ADCY9: variants seen among roughly 807,000 people sequenced by gnomAD.
ADCY9 encodes the protein adenylate cyclase type 9.
ADCY9 carries 50 observed loss-of-function variants against 101.5 expected under a neutral mutation model. The ratio of observed to expected loss-of-function variants is 0.49; its 90% confidence interval spans 0.39 to 0.62. ADCY9 has a LOEUF of 0.62. Ranked by LOEUF, ADCY9 falls within the 20% of genes least tolerant of loss-of-function variation. The pLI is 0.00. For missense variants in ADCY9, 1,662 were observed against 1,800.4 expected (o/e 0.92, Z 1.39); for synonymous variants, 905 against 769.3 (o/e 1.18, Z -2.92).
intron 2 of ADCY9, among the ~76,000 whole-genome samples, chr16:4,103,810 G>A (rs765617814): frequency 1.3e-5 from 2 of 152,056 alleles, no homozygotes; most frequent in Non-Finnish European, 2.9e-5. Flanking sequence ...CAGCCCGGGC[G>A]ACAGAGCGAG....
intron 2 of ADCY9, among the ~76,000 whole-genome samples, chr16:4,019,971 G>A (rs374847481): frequency 5.3e-5 from 8 of 152,134 alleles, no homozygotes; most frequent in African/African-American, 1.9e-4. Flanking sequence ...CCAGCTACTC[G>A]GGAGGCTGAG....
At chr16:4,108,370 T>TTTTTTTTTTTTTTTTTTTTTG (rs2057091668) in intron 2 of ADCY9, among the ~76,000 whole-genome samples, 1 of 134,408 alleles carries the variant, frequency 7.4e-6, no homozygotes, top group African/African-American at 2.9e-5. Context: ...ATTTTTTTTT[T>TTTTTTTTTTTTTTTTTTTTTG]TTTTTTTTTT....
intron 10 of ADCY9, 23 bp downstream of exon 10, chr16:3,974,646 G>C (rs774115827): frequency 1.2e-6 from 2 of 1,600,928 alleles, no homozygotes; most frequent in South Asian, 1.1e-5. Flanking sequence ...TATTCAGACA[G>C]AAGTGCAATA....
At chr16:4,030,484 C>G (rs1238877879) in intron 2 of ADCY9, among the ~76,000 whole-genome samples, 2 of 151,972 alleles carry the variant, frequency 1.3e-5, no homozygotes, top group Non-Finnish European at 2.9e-5. Flanking sequence ...GGTGGATTAC[C>G]TGAGGTCAGG....
At chr16:4,098,716 T>C (rs2057024122) in intron 2 of ADCY9, among the ~76,000 whole-genome samples, 1 of 152,032 alleles carries the variant, frequency 6.6e-6, no homozygotes, top group Non-Finnish European at 1.5e-5. Flanking sequence ...CAAATACATA[T>C]GATGCAAGAT....
intron 2 of ADCY9, among the ~76,000 whole-genome samples, chr16:4,034,189 G>A (rs942918996): frequency 1.3e-5 from 2 of 152,082 alleles, no homozygotes; most frequent in African/African-American, 4.8e-5. Context: ...GTCTCTTGTG[G>A]CTCAAGTTAC....
chr16:3,964,414 C>CA lies in ADCY9; in HGVS notation c.*1360dup, dbSNP rs2055969118. The CA allele has an allele frequency of 6.6e-6, 1 of 152,376 alleles. No individual in the cohort carries two copies. The allele number at this position is 152,376 out of a possible 1,614,324, so 9.4% of individuals were successfully genotyped here. A position where few individuals can be genotyped will look rare whatever the true frequency, so the allele number is the denominator to read the frequency against. ...ACCACCCTCGGGATTCCGCCCCTAA[C>CA]AAACCCCGCGTTTGCATCCAGATGC... On this transcript the variant is annotated 3_prime_UTR_variant, in exon 11 of 11. Coordinates refer to ENST00000294016, the MANE Select transcript of ADCY9 (RefSeq NM_001116.4).
At chr16:4,026,054 A>G (rs1434632544) in intron 2 of ADCY9, among the ~76,000 whole-genome samples, 1 of 152,218 alleles carries the variant, frequency 6.6e-6, no homozygotes, top group African/African-American at 2.4e-5. Flanking sequence ...TGTTGGGTGA[A>G]TATAGAAATG....
At position 4,114,162 on chromosome 16, in the gene ADCY9, G is replaced by A. The variant is rs375070938; in HGVS notation, c.1281C>T (p.Asp427=). The change falls in exon 2 of 11, where the codon GAC becomes GAT. Residue 427 remains aspartate (D), a synonymous_variant. Transcript: ENST00000294016. This position sits in a 1 kb window ranked among gnomAD's most constrained non-coding sequence, Gnocchi z 4.3. ...GLLNDLFGRF[D]RLCEETKCEK... is the part of the protein sequence containing the mutation. ...CACACTTGGTCTCCTCACACAGGCG[G>A]TCGAAGCGACCGAACAGATCGTTCA... 21 of 1,613,794 alleles carry A rather than the reference G, an allele frequency of 1.3e-5. No individual in the cohort carries two copies. Among genetic ancestry groups the A allele is most frequent in the African/African-American group, 8.0e-5 (6 of 74,928 alleles).
chr16:3,979,384 T>G, intron 7 of ADCY9, 109 bp from the exon 8 acceptor site: 1 of 1,339,240 alleles, frequency 7.5e-7, no homozygotes, highest in East Asian at 2.5e-5. Flanking sequence ...TCTCCCGTGT[T>G]GCCCCTGGGA....
chr16:4,003,262 C>A (rs996912868), intron 3 of ADCY9, among the ~76,000 whole-genome samples: 3 of 152,170 alleles, frequency 2.0e-5, no homozygotes, highest in African/African-American at 7.2e-5. Context: ...TCCCTCGAAT[C>A]GGAACCGTGG....
At position 3,966,258 on chromosome 16, in the gene ADCY9, G is replaced by A. The variant is rs1328062418; in HGVS notation, c.3579C>T (p.Ile1193=). The part of the protein sequence containing the change: ...LYDIWGDTVN[I]ASRMDTTGVE... Reference sequence around the variant, plus strand: ...CGCCGGTGGTGTCCATCCTGCTGGCGATGTTGACGGTGTCTCCCCAGATGT... The same window carrying A: ...CGCCGGTGGTGTCCATCCTGCTGGCAATGTTGACGGTGTCTCCCCAGATGT... Residue 1193 remains isoleucine, a synonymous_variant, in exon 11 of 11, where the codon ATC becomes ATT. Coordinates refer to ENST00000294016, the MANE Select transcript of ADCY9 (RefSeq NM_001116.4). 22 of 1,614,198 alleles carry A rather than the reference G, an allele frequency of 1.4e-5. No individual in the cohort carries two copies. The highest frequency in any genetic ancestry group is 1.8e-5 in the Non-Finnish European group (21 of 1,180,044).
intron 2 of ADCY9, among the ~76,000 whole-genome samples, chr16:4,075,664 T>C (rs1246694507): frequency 2.0e-5 from 3 of 151,806 alleles, no homozygotes; most frequent in African/African-American, 7.3e-5. Context: ...GAGAGCTCAG[T>C]GAAGGGGAGA....
intron 2 of ADCY9, among the ~76,000 whole-genome samples, chr16:4,067,624 G>A (rs1375747760): frequency 6.6e-6 from 1 of 152,150 alleles, no homozygotes; most frequent in Non-Finnish European, 1.5e-5. Context: ...CCAGAGAGAT[G>A]TATTTTATGG....
intron 2 of ADCY9, among the ~76,000 whole-genome samples, chr16:4,021,953 ACT>A (rs2056480004): frequency 6.6e-6 from 1 of 152,174 alleles, no homozygotes; most frequent in Non-Finnish European, 1.5e-5. Context: ...TCTGTGACAT[ACT>A]TAATTTGCAA....
intron 2 of ADCY9, among the ~76,000 whole-genome samples, chr16:4,051,888 A>G (rs965360635): frequency 7.6e-4 from 116 of 152,324 alleles, no homozygotes; most frequent in African/African-American, 2.7e-3. Flanking sequence ...TTAATGAGAA[A>G]CAGGATATTT....
chr16:4,036,765 A>C (rs969618029), intron 2 of ADCY9, among the ~76,000 whole-genome samples: 1 of 151,996 alleles, frequency 6.6e-6, no homozygotes, highest in Non-Finnish European at 1.5e-5. Flanking sequence ...CCCAGCCACA[A>C]TACATTTTTT....
chr16:4,039,288 C>T (rs146332982), intron 2 of ADCY9, among the ~76,000 whole-genome samples: 181 of 152,282 alleles, frequency 1.2e-3, no homozygotes, highest in Non-Finnish European at 1.9e-3. Context: ...CTGTGTTACA[C>T]GCCCTCATGC....
intron 6 of ADCY9, among the ~76,000 whole-genome samples, chr16:3,985,984 G>C (rs56094231): frequency 0.91 from 138,810 of 151,878 alleles, 63,554 homozygotes; most frequent in Non-Finnish European, 0.94. Flanking sequence ...CCCCATGGGC[G>C]AAACCCAGGG....
Sources: gnomAD v4.1 joint callset for allele counts (sites outside exome capture counted in the v4.1 genomes callset) on GRCh38, gnomAD v4.1.1 for gene constraint, Gnocchi (gnomAD v3.1) non-coding constraint, MANE v1.5 for transcripts, NCBI Gene and HGNC (gene_info 2026-07-23, HGNC 2026-07-21) for gene names.